Variants in PIK3CG observed in about 807,000 individuals in gnomAD.
PIK3CG encodes phosphatidylinositol 4,5-bisphosphate 3-kinase catalytic subunit gamma isoform.
Under a neutral mutation model 102.3 loss-of-function variants are expected in PIK3CG, and 55 were observed. The ratio of observed to expected loss-of-function variants is 0.54; its 90% CI spans 0.43 to 0.67. The LOEUF is 0.67. Among genes scored for constraint, PIK3CG ranks in the 30% least tolerant of loss-of-function variants. The pLI is 0.00. For missense variants in PIK3CG, 1,258 were observed against 1,391.8 expected (o/e 0.90, Z 1.53); for synonymous variants, 552 against 540.0 (o/e 1.02, Z -0.31).
At chr7:106,878,833 T>C (rs949259321) in intron 5 of PIK3CG, among the ~76,000 whole-genome samples, 3 of 152,246 alleles carry the variant, frequency 2.0e-5, no homozygotes, top group Non-Finnish European at 4.4e-5. Flanking sequence ...GTAGGAATTA[T>C]GACATATTAA....
rs1791707069 is a variant in PIK3CG at position 106,907,226 on chromosome 7, CT to C, written c.*1841del. On this transcript the variant is annotated 3_prime_UTR_variant, in exon 11 of 11. Transcript: ENST00000496166. ...CCAGACATCAATATTTTTCTAGATTCTTCAGGTGATTCTAATTCACAGCCAG... is the reference window on the plus strand; with the variant it reads ...CCAGACATCAATATTTTTCTAGATTCTCAGGTGATTCTAATTCACAGCCAG... 1 of 162,436 alleles carries C rather than the reference CT, an allele frequency of 6.2e-6. No homozygotes were observed. Among genetic ancestry groups the C allele is most frequent in the Non-Finnish European group, 1.4e-5 (1 of 73,992 alleles). The allele number at this position is 162,436 out of a possible 1,614,324, so 10.1% of individuals were successfully genotyped here.
rs535788756 is a variant in PIK3CG, at chr7:106,867,553, G to A, written c.-9G>A. Reference sequence around the variant, plus strand: ...CCCTGTGTCCCTCCGCTCCCAGGTCGCATAGGGCATGGAGCTGGAGAACTA... The same window carrying A: ...CCCTGTGTCCCTCCGCTCCCAGGTCACATAGGGCATGGAGCTGGAGAACTA... On this transcript the variant is annotated 5_prime_UTR_variant, in exon 2 of 11. Coordinates refer to ENST00000496166, the MANE Select transcript of PIK3CG (RefSeq NM_001282426.2). This position sits in a 1 kb window ranked among gnomAD's most constrained non-coding sequence, Gnocchi z 5.1. 32 of 1,536,974 alleles carry A rather than the reference G, an allele frequency of 2.1e-5. No individual in the cohort carries two copies. The highest frequency in any genetic ancestry group is 1.0e-4 in the South Asian group (8 of 80,306).
In PIK3CG at chr7:106,879,523, A is replaced by G. The variant is rs2116521864; in HGVS notation, c.2396A>G (p.Glu799Gly). Residue 799 changes from glutamate to glycine, a missense_variant, in exon 6 of 11, where the codon GAA becomes GGA. By Grantham distance (98) the Glu-to-Gly change is moderately conservative. Coordinates refer to ENST00000496166, the MANE Select transcript of PIK3CG (RefSeq NM_001282426.2). This position sits in a 1 kb window ranked among gnomAD's most constrained non-coding sequence, Gnocchi z 4.9. ...TATGTGACTGCTTCCTTACAGATTG[A>G]AAAATGTAAAGTAATGGCCTCCAAG... ...PGLKAGALAIEKCKVMASKKK... is the reference protein window; with the variant it reads ...PGLKAGALAIGKCKVMASKKK... The G allele has an allele frequency of 6.2e-7, 1 of 1,613,196 alleles. No homozygotes were observed. The highest frequency in any genetic ancestry group is 8.5e-7 in the Non-Finnish European group (1 of 1,179,176).
rs1005725376 is a variant in PIK3CG at position 106,897,490 on chromosome 7, C to T, written c.3031-7619C>T. ...CATTTCGTCACCCAGGCATTAAGCCCAGTACCCAATAGTTATCTTTTTTGC... is the reference window on the plus strand; with the variant it reads ...CATTTCGTCACCCAGGCATTAAGCCTAGTACCCAATAGTTATCTTTTTTGC... On this transcript the variant is annotated intron_variant, in intron 10 of 10. Transcript: ENST00000496166. This position sits in a 1 kb window ranked among gnomAD's most constrained non-coding sequence, Gnocchi z 4.6. 6.6e-6 allele frequency among the ~76,000 whole-genome samples: 1 copy of T among 152,096 alleles called. No individual in the cohort carries two copies. The highest frequency in any genetic ancestry group is 6.6e-5 in the Admixed American group (1 of 15,262).
rs1790777951 is a variant in PIK3CG, at chr7:106,877,175, G to A, written c.2392-2344G>A. On this transcript the variant is annotated intron_variant, in intron 5 of 10. Transcript: ENST00000496166. This position sits in a 1 kb window ranked among gnomAD's most constrained non-coding sequence, Gnocchi z 4.5. ...TTTGTGCCACTGCATTCCAACCTGGGCTACAGAGCGAGACCCTGTTTCAAA... is the reference window on the plus strand; with the variant it reads ...TTTGTGCCACTGCATTCCAACCTGGACTACAGAGCGAGACCCTGTTTCAAA... Among the ~76,000 whole-genome samples, 1 of 152,208 alleles carries A rather than the reference G, an allele frequency of 6.6e-6. No homozygotes were observed. Among genetic ancestry groups the A allele is most frequent in the Non-Finnish European group, 1.5e-5 (1 of 68,036 alleles).
rs2116450542 is a variant in PIK3CG at position 106,868,811 on chromosome 7, G to C, written c.1250G>C (p.Ser417Thr). ...EVLWNVWLEF[S>T]IKIKDLPKGA... Reference sequence around the variant, plus strand: ...CTGTGGAATGTGTGGCTTGAGTTCAGTATCAAAATCAAAGACTTGCCCAAA... The same window carrying C: ...CTGTGGAATGTGTGGCTTGAGTTCACTATCAAAATCAAAGACTTGCCCAAA... The change falls in exon 2 of 11, where the codon AGT (serine) becomes ACT (threonine). Residue 417 changes from serine to threonine, a missense_variant. Physicochemically the swap from Ser to Thr is moderately conservative, Grantham distance 58 (BLOSUM62 1). Coordinates refer to ENST00000496166, the MANE Select transcript of PIK3CG (RefSeq NM_001282426.2). This position sits in a 1 kb window ranked among gnomAD's most constrained non-coding sequence, Gnocchi z 6.2. The C allele has an allele frequency of 4.3e-6, 7 of 1,614,226 alleles. No individual in the cohort carries two copies. The highest frequency in any genetic ancestry group is 5.9e-6 in the Non-Finnish European group (7 of 1,180,042).
intron 10 of PIK3CG, 65 bp downstream of exon 10, chr7:106,886,357 G>A (rs1000949341): frequency 5.2e-6 from 8 of 1,543,610 alleles, no homozygotes; most frequent in South Asian, 3.5e-5. Context: ...GCAGCACTCC[G>A]CAGCCTTCAC....
chr7:106,870,199 TATCTC>T (rs1362767533), intron 2 of PIK3CG, among the ~76,000 whole-genome samples: 1 of 152,230 alleles, frequency 6.6e-6, no homozygotes, highest in Admixed American at 6.5e-5. Context: ...CACAGAATAA[TATCTC>T]ATATCTGGGT....
At position 106,867,775 on chromosome 7, in the gene PIK3CG, G is replaced by T; in HGVS notation, c.214G>T (p.Ala72Ser). The T allele has an allele frequency of 6.2e-7, 1 of 1,612,886 alleles. No individual in the cohort carries two copies. Among genetic ancestry groups the T allele is most frequent in the South Asian group, 1.1e-5 (1 of 91,082 alleles). The change falls in exon 2 of 11, where the codon GCC becomes TCC. Residue 72 changes from alanine (A) to serine (S), a missense_variant. Ala to Ser is a moderately conservative substitution (Grantham distance 99). Transcript: ENST00000496166. This position sits in a 1 kb window ranked among gnomAD's most constrained non-coding sequence, Gnocchi z 5.1. ...CCACGGCAACGTGGAGCAGATGAAG[G>T]CCCAGGTGTGGCTGCGAGCGCTGGA... ...AGHGNVEQMK[A>S]QVWLRALETS...
At position 106,905,557 on chromosome 7, in the gene PIK3CG, A is replaced by C. The variant is rs1470903175; in HGVS notation, c.*170A>C. The C allele has an allele frequency of 6.2e-6, 4 of 649,392 alleles. No individual in the cohort carries two copies. The Admixed American group carries it at 1.2e-4, about 19-fold the overall frequency. 40.2% of individuals were successfully genotyped at this position (649,392 alleles called of 1,614,324 possible). On this transcript the variant is annotated 3_prime_UTR_variant, in exon 11 of 11. Transcript: ENST00000496166. The surrounding 1 kb of genome is among the most constrained non-coding windows in gnomAD (Gnocchi z 5.6). ...TGGAGAAAAGATGTTGGCATTGCTGATTGTTTGGTTAAGCAATGTCCAGTG... is the reference window on the plus strand; with the variant it reads ...TGGAGAAAAGATGTTGGCATTGCTGCTTGTTTGGTTAAGCAATGTCCAGTG...
At chr7:106,901,787 A>T (rs1052604918) in intron 10 of PIK3CG, among the ~76,000 whole-genome samples, 11 of 152,160 alleles carry the variant, frequency 7.2e-5, no homozygotes, top group Non-Finnish European at 1.5e-4. Flanking sequence ...CTTTATTTGA[A>T]GCTGACTTCT....
rs1791570203 is a variant in PIK3CG, at chr7:106,902,005, C to G, written c.3031-3104C>G. On this transcript the variant is annotated intron_variant, in intron 10 of 10. Transcript: ENST00000496166. This position sits in a 1 kb window ranked among gnomAD's most constrained non-coding sequence, Gnocchi z 4.3. ...GGTTTCTCTCCCCCTTGAGTGCTGT[C>G]TGTAGATCATGACTTGGCACTCCTC... Among the ~76,000 whole-genome samples the G allele has an allele frequency of 6.6e-6, 1 of 152,172 alleles. No individual in the cohort carries two copies. The highest frequency in any genetic ancestry group is 2.4e-5 in the African/African-American group (1 of 41,434).
intron 2 of PIK3CG, among the ~76,000 whole-genome samples, chr7:106,870,168 CTGTG>C (rs1341045461): frequency 6.6e-6 from 1 of 152,182 alleles, no homozygotes; most frequent in Non-Finnish European, 1.5e-5. Context: ...GTCTTATTCT[CTGTG>C]TATGTCTGTT....
rs778350314 is a variant in PIK3CG, at chr7:106,867,447, T to G, written c.-12-103T>G. On this transcript the variant is annotated intron_variant, in intron 1 of 10. Transcript: ENST00000496166. This position sits in a 1 kb window ranked among gnomAD's most constrained non-coding sequence, Gnocchi z 5.1. ...AATACTTGGTCCCTCTGGGTCCCTG[T>G]GCACATGTACGCCGCCTATACCTCC... The G allele has an allele frequency of 4.8e-6, 5 of 1,045,450 alleles. No homozygotes were observed. The highest frequency in any genetic ancestry group is 5.6e-6 in the Non-Finnish European group (4 of 710,198). The allele number at this position is 1,045,450 out of a possible 1,614,324, so 64.8% of individuals were successfully genotyped here.
rs1791669705 is a variant in PIK3CG, at chr7:106,905,755, TTA to T, written c.*369_*370del. On this transcript the variant is annotated 3_prime_UTR_variant, in exon 11 of 11. Coordinates refer to ENST00000496166, the MANE Select transcript of PIK3CG (RefSeq NM_001282426.2). The surrounding 1 kb of genome is among the most constrained non-coding windows in gnomAD (Gnocchi z 5.6). ...TGATGACATCTATTTTCATCTGGGT[TTA>T]GTCTCAATTTTGGTTATCTTTGTGT... 1 of 277,482 alleles carries T rather than the reference TTA, an allele frequency of 3.6e-6. No homozygotes were observed. Among genetic ancestry groups the T allele is most frequent in the Non-Finnish European group, 6.8e-6 (1 of 146,940 alleles). 17.2% of individuals were successfully genotyped at this position (277,482 alleles called of 1,614,324 possible).
intron 10 of PIK3CG, among the ~76,000 whole-genome samples, chr7:106,901,791 G>A (rs912000276): frequency 1.3e-5 from 2 of 152,208 alleles, no homozygotes; most frequent in African/African-American, 4.8e-5. Flanking sequence ...ATTTGAAGCT[G>A]ACTTCTTGTC....
chr7:106,886,498 C>T (rs1791098458), intron 10 of PIK3CG, among the ~76,000 whole-genome samples: 1 of 152,092 alleles, frequency 6.6e-6, no homozygotes. Context: ...AGTAATCCTC[C>T]CACCTAAAAC....
rs200657941 is a variant in PIK3CG, at chr7:106,868,146, C to T, written c.585C>T (p.Leu195=). The part of the protein sequence containing the change: ...MAEVASRDPK[L]YAMHPWVTSK... ...AGGTGGCCAGCCGCGACCCCAAGCT[C>T]TACGCCATGCACCCGTGGGTGACGT... is the stretch of plus-strand genomic sequence containing the variant. The change falls in exon 2 of 11, where the codon CTC becomes CTT. Residue 195 remains leucine, a synonymous_variant. Coordinates refer to ENST00000496166, the MANE Select transcript of PIK3CG (RefSeq NM_001282426.2). This position sits in a 1 kb window ranked among gnomAD's most constrained non-coding sequence, Gnocchi z 6.2. 14 of 1,613,384 alleles carry T rather than the reference C, an allele frequency of 8.7e-6. No individual in the cohort carries two copies. In the Admixed American group the frequency reaches 1.3e-4, roughly 15 times the overall value.
Position 106,905,370 on chromosome 7 carries a change from G to C in PIK3CG, c.3292G>C (p.Glu1098Gln), listed in dbSNP as rs370598588. The change falls in exon 11 of 11, where the codon GAG (glutamate) becomes CAG (glutamine). Residue 1098 changes from glutamate to glutamine, a missense_variant. Glu to Gln is a conservative substitution (Grantham distance 29). Transcript: ENST00000496166. This position sits in a 1 kb window ranked among gnomAD's most constrained non-coding sequence, Gnocchi z 5.6. Reference sequence around the variant, plus strand: ...TCTTGTTCTTGGCATCAAACAAGGAGAGAAACATTCAGCCTAATACTTTAG... The same window carrying C: ...TCTTGTTCTTGGCATCAAACAAGGACAGAAACATTCAGCCTAATACTTTAG... ...LHLVLGIKQG[E>Q]KHSA 2 of 1,613,814 alleles carry C rather than the reference G, an allele frequency of 1.2e-6. No homozygotes were observed. Among genetic ancestry groups the C allele is most frequent in the African/African-American group, 2.7e-5 (2 of 75,044 alleles).
Sources: gnomAD v4.1 joint callset for allele counts (sites outside exome capture counted in the v4.1 genomes callset) on GRCh38, gnomAD v4.1.1 for gene constraint, Gnocchi (gnomAD v3.1) non-coding constraint, MANE v1.5 for transcripts, NCBI Gene and HGNC (gene_info 2026-07-23, HGNC 2026-07-21) for gene names.